Variants in CDH12 observed in about 807,000 individuals in gnomAD.
CDH12 encodes the protein cadherin-12.
CDH12 carries 41 observed loss-of-function variants against 74.1 expected under a neutral mutation model. That is an observed-to-expected ratio of 0.55 (90% CI 0.43 to 0.72). The LOEUF (loss-of-function observed/expected upper bound fraction) is 0.72. CDH12 is among the 30% of genes least tolerant of loss of function. The pLI is 0.00. For missense variants in CDH12, 945 were observed against 977.2 expected (o/e 0.97, Z 0.44); for synonymous variants, 399 against 355.0 (o/e 1.12, Z -1.39).
intron 5 of CDH12, among the ~76,000 whole-genome samples, chr5:21,998,543 C>T (rs1313847534): frequency 1.3e-5 from 2 of 152,008 alleles, no homozygotes; most frequent in African/African-American, 4.8e-5. Context: ...ATTACAATAT[C>T]AAAGTTTACA....
At chr5:22,463,745 A>G (rs1580675810) in intron 2 of CDH12, among the ~76,000 whole-genome samples, 2 of 152,298 alleles carry the variant, frequency 1.3e-5, no homozygotes, top group Middle Eastern at 6.8e-3. Context: ...TAGTAAACAC[A>G]GAAAATGTTA....
At chr5:22,089,553 C>G (rs543196021) in intron 4 of CDH12, among the ~76,000 whole-genome samples, 1 of 152,006 alleles carries the variant, frequency 6.6e-6, no homozygotes. Flanking sequence ...TTTTTAAATG[C>G]CACATGGCAA....
chr5:22,131,469 C>T (rs188856407), intron 4 of CDH12, among the ~76,000 whole-genome samples: 1 of 152,242 alleles, frequency 6.6e-6, no homozygotes, highest in Admixed American at 6.6e-5. Context: ...TATTCTACTT[C>T]CCCACATGCC....
intron 6 of CDH12, among the ~76,000 whole-genome samples, chr5:21,888,269 G>A (rs1752734780): frequency 6.6e-6 from 1 of 152,062 alleles, no homozygotes; most frequent in Non-Finnish European, 1.5e-5. Flanking sequence ...GATTATTAAA[G>A]GGTAATTTTT....
intron 4 of CDH12, among the ~76,000 whole-genome samples, chr5:22,089,417 A>G (rs1743282696): frequency 6.6e-6 from 1 of 152,214 alleles, no homozygotes; most frequent in East Asian, 1.9e-4. Context: ...TTGGCAAGCA[A>G]AAATGTCAAA....
chr5:21,870,945 T>C (rs992022659), intron 6 of CDH12, among the ~76,000 whole-genome samples: 5 of 152,172 alleles, frequency 3.3e-5, no homozygotes, highest in African/African-American at 1.2e-4. Flanking sequence ...TTGCTCAGGC[T>C]GGTTTCACAC....
At chr5:22,364,645 G>A (rs1740956648) in intron 3 of CDH12, among the ~76,000 whole-genome samples, 1 of 152,168 alleles carries the variant, frequency 6.6e-6, no homozygotes, top group Admixed American at 6.6e-5. Context: ...CAGGCATCTT[G>A]CTACCTAGAA....
intron 3 of CDH12, among the ~76,000 whole-genome samples, chr5:22,330,198 T>C (rs953501298): frequency 1.1e-4 from 17 of 152,128 alleles, no homozygotes; most frequent in Admixed American, 4.6e-4. Context: ...GGCAGAGTAA[T>C]GAGGCTACCA....
intron 1 of CDH12, among the ~76,000 whole-genome samples, chr5:22,515,969 AT>A (rs1382973141): frequency 1.3e-5 from 2 of 152,136 alleles, no homozygotes; most frequent in Non-Finnish European, 2.9e-5. Flanking sequence ...CAATTGTACA[AT>A]ACAATTAAGA....
At chr5:21,915,692 T>C (rs1022975623) in intron 6 of CDH12, among the ~76,000 whole-genome samples, 2 of 151,946 alleles carry the variant, frequency 1.3e-5, no homozygotes, top group African/African-American at 4.8e-5. Context: ...ACCCCTTACT[T>C]GGGATGGGGA....
chr5:22,639,181 G>A (rs1043439368), intron 1 of CDH12, among the ~76,000 whole-genome samples: 1 of 151,530 alleles, frequency 6.6e-6, no homozygotes, highest in African/African-American at 2.4e-5. Context: ...ATACTTCAGG[G>A]ACTGAGGATA....
intron 5 of CDH12, among the ~76,000 whole-genome samples, chr5:22,072,065 C>T (rs1021247413): frequency 6.6e-6 from 1 of 152,014 alleles, no homozygotes; most frequent in Admixed American, 6.6e-5. Context: ...CTACACAAGC[C>T]TATTGTAACT....
chr5:22,411,003 A>T (rs1329525418), intron 2 of CDH12, among the ~76,000 whole-genome samples: 1 of 152,076 alleles, frequency 6.6e-6, no homozygotes, highest in Non-Finnish European at 1.5e-5. Context: ...GATGGAATTT[A>T]GAGGAAAAAG....
At chr5:22,796,875 T>C (rs1339664458) in intron 1 of CDH12, among the ~76,000 whole-genome samples, 1 of 152,148 alleles carries the variant, frequency 6.6e-6, no homozygotes, top group Non-Finnish European at 1.5e-5. Flanking sequence ...TCACATAAAA[T>C]AGTAAGGAAT....
intron 3 of CDH12, among the ~76,000 whole-genome samples, chr5:22,338,063 G>A (rs891535359): frequency 3.9e-5 from 6 of 152,086 alleles, no homozygotes; most frequent in Non-Finnish European, 7.4e-5. Flanking sequence ...AAATCCCACT[G>A]CTGGGTATAT....
At chr5:22,031,942 C>T (rs558780565) in intron 5 of CDH12, among the ~76,000 whole-genome samples, 3 of 151,832 alleles carry the variant, frequency 2.0e-5, no homozygotes, top group Non-Finnish European at 4.4e-5. Flanking sequence ...CAAAGTGAAC[C>T]CATGTTGCAA....
intron 1 of CDH12, among the ~76,000 whole-genome samples, chr5:22,706,598 G>A (rs1237396153): frequency 6.6e-6 from 1 of 151,864 alleles, no homozygotes; most frequent in Admixed American, 6.6e-5. Flanking sequence ...ATCTCAATTA[G>A]AGAGTATATA....
At chr5:22,081,492 C>T (rs10055079) in intron 4 of CDH12, among the ~76,000 whole-genome samples, 56,913 of 151,952 alleles carry the variant, frequency 0.37, 13,512 homozygotes, top group African/African-American at 0.68. Context: ...GAGATAAATA[C>T]AAGGAGAAAA....
chr5:22,220,195 C>A lies in CDH12; in HGVS notation c.-332-7552G>T, dbSNP rs557907759. On this transcript the variant is annotated intron_variant, in intron 3 of 14. Transcript: ENST00000382254. ...GAGAGCAACATTGACATTTGTAATACAATGGCAAGTGTTTGTACATGCGTA... is the reference window on the plus strand; with the variant it reads ...GAGAGCAACATTGACATTTGTAATAAAATGGCAAGTGTTTGTACATGCGTA... 9.2e-5 allele frequency among the ~76,000 whole-genome samples: 14 copies of A among 151,762 alleles called. No individual in the cohort carries two copies. In the South Asian group the frequency reaches 2.9e-3, roughly 32 times the overall value.
Sources: allele counts gnomAD v4.1 joint callset (sites outside exome capture counted in the v4.1 genomes callset), GRCh38; gene constraint gnomAD v4.1.1; transcripts MANE v1.5; gene names NCBI Gene and HGNC (gene_info 2026-07-23, HGNC 2026-07-21).